AGGF1: variants seen among roughly 807,000 people sequenced by gnomAD.
AGGF1 encodes angiogenic factor with G patch and FHA domains 1.
AGGF1 carries 56 observed loss-of-function variants against 86.5 expected under a neutral mutation model. That is an observed-to-expected ratio of 0.65 (90% CI 0.52 to 0.81). The LOEUF (loss-of-function observed/expected upper bound fraction) is 0.81. Among genes scored for constraint, AGGF1 ranks in the 30% least tolerant of loss-of-function variants. The pLI is 0.00. For missense variants in AGGF1, 816 were observed against 850.9 expected (o/e 0.96, Z 0.51); for synonymous variants, 313 against 297.1 (o/e 1.05, Z -0.55).
At chr5:77,039,494 A>G in intron 4 of AGGF1, 37 bp from the exon 5 acceptor site, 1 of 1,524,358 alleles carries the variant, frequency 6.6e-7, no homozygotes, top group Non-Finnish European at 9.0e-7. Context: ...ATTTTATCTT[A>G]CATGAATAGA....
intron 11 of AGGF1, among the ~76,000 whole-genome samples, chr5:77,057,685 T>G (rs931962214): frequency 6.6e-6 from 1 of 152,208 alleles, no homozygotes; most frequent in Non-Finnish European, 1.5e-5. Context: ...GAAAGCTGCC[T>G]TCTGGGTGAA....
At chr5:77,042,463 C>T (rs1221397965) in intron 5 of AGGF1, among the ~76,000 whole-genome samples, 19 of 98,192 alleles carry the variant, frequency 1.9e-4, no homozygotes, top group South Asian at 9.4e-4. Flanking sequence ...ACCTCCCTCC[C>T]GGACGGGGCG....
chr5:77,048,938 A>C lies in AGGF1; in HGVS notation c.1316A>C (p.Glu439Ala). 2.5e-6 allele frequency: 4 copies of C among 1,613,588 alleles called. No homozygotes were observed. The highest frequency in any genetic ancestry group is 3.4e-6 in the Non-Finnish European group (4 of 1,179,698). The change falls in exon 8 of 14, where the codon GAA becomes GCA. Residue 439 changes from glutamate (E) to alanine (A), a missense_variant and splice_region_variant. Coordinates refer to ENST00000312916, the MANE Select transcript of AGGF1 (RefSeq NM_018046.5). ...AGACACTTTACTTAACTCTGCAGAG[A>C]AAAGGATATGGAACATACTCTCCGA... Reference protein sequence around the residue: ...TAVNPATIGREKDMEHTLRIP... With the variant: ...TAVNPATIGRAKDMEHTLRIP...
chr5:77,053,173 C>T (rs1188342415), intron 9 of AGGF1, among the ~76,000 whole-genome samples: 4 of 152,172 alleles, frequency 2.6e-5, no homozygotes, highest in Non-Finnish European at 4.4e-5. Context: ...TATGTCTATT[C>T]AGTTAACACT....
At chr5:77,035,141 A>C (rs1211814879) in intron 2 of AGGF1, among the ~76,000 whole-genome samples, 4 of 152,256 alleles carry the variant, frequency 2.6e-5, no homozygotes, top group Non-Finnish European at 4.4e-5. Context: ...CAAAAAATAA[A>C]TCAATCCCTA....
At chr5:77,051,432 C>CAA (rs34184166) in intron 8 of AGGF1, among the ~76,000 whole-genome samples, 35 of 110,892 alleles carry the variant, frequency 3.2e-4, no homozygotes, top group African/African-American at 4.1e-4. Flanking sequence ...GATTCCATCT[C>CAA]AAAAAAAAAA....
intron 6 of AGGF1, among the ~76,000 whole-genome samples, chr5:77,047,295 G>A (rs1035008287): frequency 1.3e-5 from 2 of 152,032 alleles, no homozygotes; most frequent in Non-Finnish European, 2.9e-5. Flanking sequence ...TATTTATATA[G>A]CATTTACATT....
At position 77,048,263 on chromosome 5, in the gene AGGF1, C is replaced by T; in HGVS notation, c.1304C>T (p.Thr435Ile). The T allele has an allele frequency of 6.2e-7, 1 of 1,601,052 alleles. No homozygotes were observed. Among genetic ancestry groups the T allele is most frequent in the Non-Finnish European group, 8.6e-7 (1 of 1,168,508 alleles). Residue 435 changes from threonine to isoleucine, a missense_variant, in exon 7 of 14, where the codon ACA becomes ATA. Coordinates refer to ENST00000312916, the MANE Select transcript of AGGF1 (RefSeq NM_018046.5). ...LFIITAVNPA[T>I]IGREKDMEHT... Reference sequence around the variant, plus strand: ...ATCATTACTGCTGTAAACCCTGCTACAATTGGAAGGTAAAATGGTTAATAT... The same window carrying T: ...ATCATTACTGCTGTAAACCCTGCTATAATTGGAAGGTAAAATGGTTAATAT...
chr5:77,040,415 A>G (rs1468649850), intron 5 of AGGF1, among the ~76,000 whole-genome samples: 1 of 135,546 alleles, frequency 7.4e-6, no homozygotes, highest in Non-Finnish European at 1.7e-5. Context: ...CGGCCAGGAA[A>G]ATATTAAAAA....
In AGGF1 at chr5:77,049,004, A is replaced by C; in HGVS notation, c.1365+17A>C. ...GTCAGTAAGGTAAGCTCTTTGATTT[A>C]TCAAATATAGTCCCCTAGATGTAAT... On this transcript the variant is annotated intron_variant, in intron 8 of 13. Transcript: ENST00000312916. 1 of 1,611,260 alleles carries C rather than the reference A, an allele frequency of 6.2e-7. No homozygotes were observed. The highest frequency in any genetic ancestry group is 1.3e-5 in the African/African-American group (1 of 75,004).
chr5:77,063,372 T>G lies in AGGF1; in HGVS notation c.*120T>G. On this transcript the variant is annotated 3_prime_UTR_variant, in exon 14 of 14. Coordinates refer to ENST00000312916, the MANE Select transcript of AGGF1 (RefSeq NM_018046.5). ...TATGTCACAGTTTACCTCTTCCTGA[T>G]TCAGAAATGTGTATGGTTTGCAGCT... The G allele has an allele frequency of 9.4e-7, 1 of 1,066,986 alleles. No homozygotes were observed. Among genetic ancestry groups the G allele is most frequent in the Non-Finnish European group, 1.4e-6 (1 of 731,368 alleles). 66.1% of individuals were successfully genotyped at this position (1,066,986 alleles called of 1,614,324 possible).
chr5:77,032,669 G>A (rs1746893168), intron 1 of AGGF1, among the ~76,000 whole-genome samples: 1 of 151,570 alleles, frequency 6.6e-6, no homozygotes, highest in Non-Finnish European at 1.5e-5. Context: ...AATTGTTGAA[G>A]TACTGCTTGC....
In AGGF1 at chr5:77,046,648, A is replaced by C. The variant is rs753338842; in HGVS notation, c.1172A>C (p.Asn391Thr). 2 of 1,614,068 alleles carry C rather than the reference A, an allele frequency of 1.2e-6. No homozygotes were observed. The highest frequency in any genetic ancestry group is 1.7e-6 in the Non-Finnish European group (2 of 1,179,956). Residue 391 changes from asparagine to threonine, a missense_variant, in exon 6 of 14, where the codon AAT becomes ACT. Coordinates refer to ENST00000312916, the MANE Select transcript of AGGF1 (RefSeq NM_018046.5). ...GACGAAGCCATTACCAGTGAAGGCA[A>C]TGTAACTGCAGAAGATAGTGAGGAT... ...SYDEAITSEG[N>T]VTAEDSEDED...
In AGGF1 at chr5:77,034,465, T is replaced by C. The variant is rs1746927040; in HGVS notation, c.258T>C (p.Asn86=). The change falls in exon 2 of 14, where the codon AAT becomes AAC. Residue 86 remains asparagine, a synonymous_variant. Transcript: ENST00000312916. ...KILQRGRNED[N]KKSDVEVQTE... Reference sequence around the variant, plus strand: ...TCCAACGTGGGAGAAATGAAGATAATAAAAAGTCTGATGTAGAAGTACAAA... The same window carrying C: ...TCCAACGTGGGAGAAATGAAGATAACAAAAAGTCTGATGTAGAAGTACAAA... 6.2e-7 allele frequency: 1 copy of C among 1,613,628 alleles called. No homozygotes were observed.
At chr5:77,037,582 A>T (rs1746989024) in intron 4 of AGGF1, among the ~76,000 whole-genome samples, 1 of 152,216 alleles carries the variant, frequency 6.6e-6, no homozygotes, top group East Asian at 1.9e-4. Flanking sequence ...GTGCAAGACC[A>T]GCCTGGGCAA....
intron 11 of AGGF1, among the ~76,000 whole-genome samples, chr5:77,058,091 T>C (rs981463007): frequency 6.6e-6 from 1 of 152,196 alleles, no homozygotes; most frequent in Non-Finnish European, 1.5e-5. Flanking sequence ...AGGACACTTT[T>C]GGGAGAGATG....
chr5:77,035,516 A>T, intron 2 of AGGF1, 25 bp from the exon 3 acceptor site: 1 of 1,549,354 alleles, frequency 6.5e-7, no homozygotes, highest in Non-Finnish European at 8.9e-7. Context: ...ATATGATACG[A>T]TTTCACTTCA....
At position 77,042,930 on chromosome 5, in the gene AGGF1, C is replaced by T. The variant is rs1313020138; in HGVS notation, c.870+3211C>T. ...GGGGCCGACACCCCCACCTCCCTCC[C>T]GGGCGGGGCGGCTGGCCGGGCGGGG... On this transcript the variant is annotated intron_variant, in intron 5 of 13. Coordinates refer to ENST00000312916, the MANE Select transcript of AGGF1 (RefSeq NM_018046.5). 1.9e-3 allele frequency among the ~76,000 whole-genome samples: 112 copies of T among 57,598 alleles called. 6 individuals carry two copies. Among genetic ancestry groups the T allele is most frequent in the African/African-American group, 6.0e-3 (101 of 16,854 alleles). The allele number at this position is 57,598 out of a possible 152,430, so 37.8% of individuals were successfully genotyped here.
At chr5:77,044,233 G>T (rs910053516) in intron 5 of AGGF1, among the ~76,000 whole-genome samples, 1 of 151,400 alleles carries the variant, frequency 6.6e-6, no homozygotes, top group East Asian at 1.9e-4. Context: ...GCAGGCGGCT[G>T]GGAGGTGTAG....
Sources: gnomAD v4.1 joint callset for allele counts (sites outside exome capture counted in the v4.1 genomes callset) on GRCh38, gnomAD v4.1.1 for gene constraint, MANE v1.5 for transcripts, NCBI Gene and HGNC (gene_info 2026-07-23, HGNC 2026-07-21) for gene names.